CCDC171: variants seen among roughly 807,000 people sequenced by gnomAD.
CCDC171 encodes coiled-coil domain containing 171, also known as coiled-coil domain-containing protein 171.
Under a neutral mutation model 168.2 loss-of-function variants are expected in CCDC171, and 177 were observed. The ratio of observed to expected loss-of-function variants is 1.05; its 90% CI spans 0.93 to 1.19. CCDC171 has a LOEUF of 1.19. Among genes scored for constraint, CCDC171 ranks in the 50% most tolerant of loss-of-function variants. The pLI, the probability that CCDC171 is intolerant of heterozygous loss-of-function variation, is 0.00. For synonymous variants in CCDC171, 687 were observed against 540.8 expected, an observed-to-expected ratio of 1.27 and a Z score of -3.75; for missense variants, 1,991 against 1,539.0, an observed-to-expected ratio of 1.29 and a Z score of -4.91.
intron 11 of CCDC171, among the ~76,000 whole-genome samples, chr9:15,699,257 G>C (rs1408723149): frequency 1.3e-5 from 2 of 152,068 alleles, no homozygotes; most frequent in Non-Finnish European, 2.9e-5. Flanking sequence ...GGAGTTGTTC[G>C]TTCCTCCCGG....
chr9:16,029,294 C>T (rs1442987416), intron 6 of CCDC171, among the ~76,000 whole-genome samples: 2 of 124,708 alleles, frequency 1.6e-5, no homozygotes, highest in Admixed American at 1.9e-4. Flanking sequence ...CACAAAAATT[C>T]TGGTTTAGGT....
At chr9:15,628,305 A>C (rs967858390) in intron 7 of CCDC171, among the ~76,000 whole-genome samples, 2 of 152,152 alleles carry the variant, frequency 1.3e-5, no homozygotes, top group African/African-American at 4.8e-5. Flanking sequence ...GGCACCTGGA[A>C]AATCGGGTCA....
At chr9:15,758,929 T>C (rs1291970802) in intron 18 of CCDC171, among the ~76,000 whole-genome samples, 2 of 152,190 alleles carry the variant, frequency 1.3e-5, no homozygotes, top group African/African-American at 4.8e-5. Context: ...CTCTTTCTTT[T>C]GTAAATTGCC....
At chr9:16,051,840 G>T (rs1833755723) in intron 1 of CCDC171, among the ~76,000 whole-genome samples, 1 of 152,332 alleles carries the variant, frequency 6.6e-6, no homozygotes, top group Non-Finnish European at 1.5e-5. Context: ...AATTTATAAA[G>T]GAAAGTGGAT....
chr9:15,700,098 G>T (rs1485411178), intron 11 of CCDC171, among the ~76,000 whole-genome samples: 4 of 152,204 alleles, frequency 2.6e-5, no homozygotes, highest in Non-Finnish European at 4.4e-5. Flanking sequence ...GCAGGGGGCA[G>T]TGCTCATCAG....
At chr9:15,685,212 A>G (rs1447514457) in intron 10 of CCDC171, among the ~76,000 whole-genome samples, 2 of 152,238 alleles carry the variant, frequency 1.3e-5, no homozygotes, top group Admixed American at 6.5e-5. Flanking sequence ...ATCTTCAGTT[A>G]GTACTTTGTT....
intron 3 of CCDC171, among the ~76,000 whole-genome samples, chr9:16,016,958 T>TTCCAGTAAGATCGTAAAA (rs1351609638): frequency 6.6e-6 from 1 of 152,180 alleles, no homozygotes; most frequent in Non-Finnish European, 1.5e-5. Context: ...CCCAGCAGTT[T>TTCCAGTAAGATCGTAAAA]TCCAGTAAGA....
chr9:15,929,211 T>G (rs1245385489), intron 25 of CCDC171, among the ~76,000 whole-genome samples: 1 of 151,722 alleles, frequency 6.6e-6, no homozygotes, highest in Non-Finnish European at 1.5e-5. Context: ...GATTAGTAAT[T>G]AAGTTGCAGA....
At chr9:15,912,770 GC>G (rs1563989254) in intron 24 of CCDC171, among the ~76,000 whole-genome samples, 1 of 152,078 alleles carries the variant, frequency 6.6e-6, no homozygotes, top group Non-Finnish European at 1.5e-5. Context: ...TTTATTGAAG[GC>G]CTTTTCTGCA....
chr9:15,878,456 A>G (rs775095193), intron 24 of CCDC171, among the ~76,000 whole-genome samples: 30 of 152,218 alleles, frequency 2.0e-4, no homozygotes, highest in Non-Finnish European at 3.4e-4. Flanking sequence ...CAAAATGGCT[A>G]TTATTAAAAA....
At chr9:15,799,414 G>T (rs923838187) in intron 21 of CCDC171, among the ~76,000 whole-genome samples, 1 of 151,254 alleles carries the variant, frequency 6.6e-6, no homozygotes, top group Non-Finnish European at 1.5e-5. Context: ...TCTATGTAAT[G>T]TGTCTTTTTT....
At chr9:15,923,071 G>A (rs764002094) in intron 25 of CCDC171, among the ~76,000 whole-genome samples, 23 of 151,130 alleles carry the variant, frequency 1.5e-4, no homozygotes, top group South Asian at 1.2e-3. Flanking sequence ...TGATTTAATC[G>A]CATTTGTCTG....
intron 1 of CCDC171, among the ~76,000 whole-genome samples, chr9:15,561,128 GAC>G (rs1015016617): frequency 4.6e-5 from 7 of 152,144 alleles, no homozygotes; most frequent in African/African-American, 1.7e-4. Flanking sequence ...CCTCCTCCGT[GAC>G]TGCTTATCTT....
chr9:15,875,121 C>T (rs2131246162), intron 24 of CCDC171: 1 of 152,192 alleles, frequency 6.6e-6, no homozygotes, highest in South Asian at 2.1e-4. Context: ...ATATATCCAA[C>T]ATTTCTTATG....
chr9:15,683,572 C>G (rs1366610517), intron 10 of CCDC171, among the ~76,000 whole-genome samples: 1 of 151,866 alleles, frequency 6.6e-6, no homozygotes, highest in South Asian at 2.1e-4. Flanking sequence ...CTCTTAGTGG[C>G]CCTTAAATTT....
Position 15,658,743 on chromosome 9 carries a change from A to G in CCDC171, c.915+1524A>G, listed in dbSNP as rs534330428. Among the ~76,000 whole-genome samples the G allele has an allele frequency of 4.6e-5, 7 of 152,278 alleles. No homozygotes were observed. In the South Asian group the frequency reaches 1.5e-3, roughly 32 times the overall value. The stretch of plus-strand genomic sequence containing the variant: ...GTGGCCTCCAGAAGTTAGAAAAGGC[A>G]AGACAAGATTTCTTCCCTAGAGTCT... On this transcript the variant is annotated intron_variant, in intron 8 of 25. Coordinates refer to ENST00000380701, the MANE Select transcript of CCDC171 (RefSeq NM_173550.4).
intron 24 of CCDC171, among the ~76,000 whole-genome samples, chr9:15,914,482 T>C (rs1824190822): frequency 6.6e-6 from 1 of 152,034 alleles, no homozygotes; most frequent in African/African-American, 2.4e-5. Context: ...TCAGTAATGG[T>C]GGACATGTCT....
intron 3 of CCDC171, among the ~76,000 whole-genome samples, chr9:15,986,444 A>G (rs1461727329): frequency 1.3e-5 from 2 of 152,214 alleles, no homozygotes; most frequent in African/African-American, 4.8e-5. Context: ...TGATCCCCGA[A>G]CTTACTTTAC....
chr9:15,762,261 C>G (rs1385336036), intron 18 of CCDC171, among the ~76,000 whole-genome samples: 1 of 150,768 alleles, frequency 6.6e-6, no homozygotes, highest in Non-Finnish European at 1.5e-5. Context: ...AAAAAATCTT[C>G]CTTCAAATCT....
Sources: gnomAD v4.1 joint callset for allele counts (sites outside exome capture counted in the v4.1 genomes callset) on GRCh38, gnomAD v4.1.1 for gene constraint, MANE v1.5 for transcripts, NCBI Gene and HGNC (gene_info 2026-07-23, HGNC 2026-07-21) for gene names.